HAS3: variants seen among roughly 807,000 people sequenced by gnomAD.
HAS3 encodes the protein HA synthase 3.
In HAS3, 27 loss-of-function variants were observed where a neutral mutation model predicts 50.3. The ratio of observed to expected loss-of-function variants is 0.54; its 90% CI spans 0.40 to 0.74. HAS3 has a LOEUF of 0.74. HAS3 is among the 30% of genes least tolerant of loss of function. HAS3 has a pLI of 0.00. For synonymous variants in HAS3, 339 were observed against 310.9 expected (o/e 1.09, Z -0.95); for missense variants, 517 against 742.8 (o/e 0.70, Z 3.53).
chr16:69,099,615 C>G, the HAS3 span, among the ~76,000 whole-genome samples: 1 of 152,118 alleles, frequency 6.6e-6, no homozygotes, highest in African/African-American at 2.4e-5. Flanking sequence ...CGTGAGCCAC[C>G]GCGCCCAGCC....
chr16:69,100,807 CT>C (rs1290112871), upstream of HAS3, among the ~76,000 whole-genome samples: 1 of 152,184 alleles, frequency 6.6e-6, no homozygotes, highest in Non-Finnish European at 1.5e-5. Context: ...CTTCAGTTAC[CT>C]CCAACCTGCT....
At chr16:69,095,700 G>T in the HAS3 span, among the ~76,000 whole-genome samples, 12 of 151,946 alleles carry the variant, frequency 7.9e-5, no homozygotes, top group Admixed American at 7.2e-4. Context: ...AAATCAGGGA[G>T]TGGGGGTCCT....
At chr16:69,087,720 T>C in the HAS3 span, among the ~76,000 whole-genome samples, 1 of 139,802 alleles carries the variant, frequency 7.2e-6, no homozygotes, top group Admixed American at 7.4e-5. Context: ...TTTTTTTTTT[T>C]GAGACAGAGT....
At chr16:69,083,533 G>A in the HAS3 span, 9 of 1,612,570 alleles carry the variant, frequency 5.6e-6, no homozygotes, top group East Asian at 2.2e-5. Context: ...GAAGCACGTA[G>A]TGTGTCTGGA....
the HAS3 span, chr16:69,083,639 A>G: frequency 6.4e-7 from 1 of 1,565,816 alleles, no homozygotes; most frequent in East Asian, 2.4e-5. Context: ...AAGCTGGAGA[A>G]GAAGATCATG....
intron 2 of HAS3, among the ~76,000 whole-genome samples, chr16:69,111,620 G>T (rs1961004307): frequency 6.6e-6 from 1 of 152,194 alleles, no homozygotes; most frequent in African/African-American, 2.4e-5. Context: ...TTTTTTGACA[G>T]TTGTCTCTGC....
chr16:69,097,753 C>T, the HAS3 span, among the ~76,000 whole-genome samples: 1 of 152,126 alleles, frequency 6.6e-6, no homozygotes, highest in African/African-American at 2.4e-5. Flanking sequence ...TGTGCCTCCC[C>T]CTCTTGCCCA....
In HAS3 at chr16:69,115,044, C is replaced by T; in HGVS notation, c.1440C>T (p.Gly480=). 2 of 1,614,096 alleles carry T rather than the reference C, an allele frequency of 1.2e-6. No individual in the cohort carries two copies. The highest frequency in any genetic ancestry group is 1.3e-5 in the African/African-American group (1 of 75,040). ...GRKTIVVNFI[G]LIPVSIWVAV... Reference sequence around the variant, plus strand: ...AAACCATTGTGGTGAACTTCATTGGCCTCATTCCTGTGTCCATCTGGGTGG... The same window carrying T: ...AAACCATTGTGGTGAACTTCATTGGTCTCATTCCTGTGTCCATCTGGGTGG... Residue 480 remains glycine, a synonymous_variant, in exon 4 of 4, where the codon GGC becomes GGT. Coordinates refer to ENST00000569188, the MANE Select transcript of HAS3 (RefSeq NM_001199280.2).
chr16:69,090,018 TG>T, the HAS3 span, among the ~76,000 whole-genome samples: 1 of 152,236 alleles, frequency 6.6e-6, no homozygotes, highest in Admixed American at 6.5e-5. Context: ...CCAAGTCTGC[TG>T]GGTCGCAGCC....
chr16:69,118,005 C>A, downstream of HAS3: 1 of 304,552 alleles, frequency 3.3e-6, no homozygotes, highest in Non-Finnish European at 6.2e-6. Context: ...ACAGTGACAC[C>A]AGCAGCCCTC....
chr16:69,113,709 CCT>C (rs2152259667), intron 3 of HAS3, among the ~76,000 whole-genome samples, 167 bp downstream of exon 3: 1 of 152,270 alleles, frequency 6.6e-6, no homozygotes, highest in Admixed American at 6.5e-5. Flanking sequence ...CTGCCCAACC[CCT>C]TTCTTGCTCT....
At chr16:69,103,398 T>G (rs1257337394), upstream of HAS3, among the ~76,000 whole-genome samples, 1 of 152,094 alleles carries the variant, frequency 6.6e-6, no homozygotes, top group Non-Finnish European at 1.5e-5. Flanking sequence ...ACATTTTTCT[T>G]TCTTTCTTTC....
At chr16:69,083,648 T>C in the HAS3 span, 3 of 1,560,512 alleles carry the variant, frequency 1.9e-6, no homozygotes, top group Admixed American at 1.9e-5. Flanking sequence ...AAGAAGATCA[T>C]GGTCCTGCCG....
downstream of HAS3, chr16:69,118,719 AG>A: frequency 1.5e-6 from 1 of 645,714 alleles, no homozygotes. Context: ...CAAAGGAAAA[AG>A]ATGGCTCATT....
At chr16:69,099,681 C>T in the HAS3 span, among the ~76,000 whole-genome samples, 2 of 152,320 alleles carry the variant, frequency 1.3e-5, no homozygotes, top group South Asian at 2.1e-4. Context: ...GCATACATAA[C>T]GATTGTGTCT....
the HAS3 span, chr16:69,083,735 G>C: frequency 6.8e-7 from 1 of 1,471,368 alleles, no homozygotes; most frequent in East Asian, 2.5e-5. Context: ...TCCAGCAGGT[G>C]GCCCTGCTGC....
the HAS3 span, among the ~76,000 whole-genome samples, chr16:69,090,333 G>A: frequency 3.4e-3 from 515 of 152,282 alleles, no homozygotes; most frequent in Non-Finnish European, 5.8e-3. Flanking sequence ...GCTGCTGTGC[G>A]TATTTGTGTA....
intron 2 of HAS3, among the ~76,000 whole-genome samples, chr16:69,110,510 T>C (rs568978942): frequency 1.3e-5 from 2 of 152,290 alleles, no homozygotes; most frequent in South Asian, 4.1e-4. Context: ...CTCAAACTCC[T>C]GGCCTTGGGC....
rs1029455875 is a variant in HAS3, at chr16:69,117,185, G to C, written c.*1919G>C. On this transcript the variant is annotated 3_prime_UTR_variant, in exon 4 of 4. Coordinates refer to ENST00000569188, the MANE Select transcript of HAS3 (RefSeq NM_001199280.2). ...TTAAACTATTTTGAGCATTAGAATG[G>C]AGGAAATCCGGTCAGCCAAGTGCAG... 7.1e-6 allele frequency: 7 copies of C among 985,880 alleles called. No homozygotes were observed. The highest frequency in any genetic ancestry group is 8.4e-6 in the Non-Finnish European group (7 of 829,950). The allele number at this position is 985,880 out of a possible 1,614,324, so 61.1% of individuals were successfully genotyped here.
Sources: gnomAD v4.1 joint callset for allele counts (sites outside exome capture counted in the v4.1 genomes callset) on GRCh38, gnomAD v4.1.1 for gene constraint, MANE v1.5 for transcripts, NCBI Gene and HGNC (gene_info 2026-07-23, HGNC 2026-07-21) for gene names.